The following ADAMTS7 variants were observed in gnomAD, a reference collection of about 807,000 sequenced individuals.
The protein encoded by ADAMTS7 is A disintegrin and metalloproteinase with thrombospondin motifs 7.
A neutral mutation model predicts 172.6 loss-of-function variants in ADAMTS7; 89 were observed. The observed-to-expected ratio is 0.52, with a 90% CI of 0.43 to 0.61. The LOEUF (loss-of-function observed/expected upper bound fraction) is 0.61, where lower values mean the gene tolerates loss of function less well. ADAMTS7 is among the 20% of genes least tolerant of loss of function. The pLI is 0.00. For missense variants in ADAMTS7, 1,973 were observed against 2,355.6 expected (o/e 0.84, Z 3.36); for synonymous variants, 885 against 978.4 (o/e 0.90, Z 1.78).
In ADAMTS7 at chr15:78,796,580, ACAGACTCACCATGTT is replaced by A; in HGVS notation, c.814_819+9del. ...TCCCCGCCACCCGCTCCTGGCCCACACAGACTCACCATGTTCATGATGGTCAGCACATAGCTCTCA... is the reference window on the plus strand; with the variant it reads ...TCCCCGCCACCCGCTCCTGGCCCACACATGATGGTCAGCACATAGCTCTCA... On this transcript the variant is annotated splice_donor_variant and splice_donor_5th_base_variant and coding_sequence_variant and intron_variant, in exon 4 of 24. Transcript: ENST00000388820. LOFTEE classifies it high-confidence loss of function. The A allele has an allele frequency of 6.3e-7, 1 of 1,592,172 alleles. No homozygotes were observed. The highest frequency in any genetic ancestry group is 2.3e-5 in the East Asian group (1 of 44,078).
chr15:78,764,013 A>T lies in ADAMTS7; in HGVS notation c.4506T>A (p.His1502Gln). The part of the protein sequence containing the change: ...TRDLRPLRPF[H>Q]CQPGPAKPPA... ...GCGGCTTGGCAGGCCCGGGCTGACA[A>T]TGGAAGGGCCGCAGTGGCCGGAGGT... Residue 1502 changes from histidine (H) to glutamine (Q), a missense_variant, in exon 21 of 24, where the codon CAT becomes CAA. His to Gln is a conservative substitution (Grantham distance 24). Coordinates refer to ENST00000388820, the MANE Select transcript of ADAMTS7 (RefSeq NM_014272.5). 5 of 1,543,448 alleles carry T rather than the reference A, an allele frequency of 3.2e-6. No individual in the cohort carries two copies. The highest frequency in any genetic ancestry group is 4.4e-6 in the Non-Finnish European group (5 of 1,143,428).
At chr15:78,787,902 C>T (rs2055526068) in intron 8 of ADAMTS7, among the ~76,000 whole-genome samples, 1 of 152,146 alleles carries the variant, frequency 6.6e-6, no homozygotes, top group African/African-American at 2.4e-5. Context: ...CGCTACAGGC[C>T]TTTCTCAGGC....
At chr15:78,769,144 C>T (rs886527423) in intron 16 of ADAMTS7, among the ~76,000 whole-genome samples, 3 of 152,186 alleles carry the variant, frequency 2.0e-5, no homozygotes, top group South Asian at 2.1e-4. Context: ...CCCTGCTCTC[C>T]ATCCCCACAC....
intron 2 of ADAMTS7, among the ~76,000 whole-genome samples, chr15:78,799,837 CT>C (rs563089296): frequency 7.6e-4 from 110 of 145,560 alleles, no homozygotes; most frequent in East Asian, 1.6e-3. Context: ...TTCTTTCTTT[CT>C]TTTTTTTTTT....
In ADAMTS7 at chr15:78,764,724, C is replaced by G. The variant is rs371299839; in HGVS notation, c.4267-17G>C. On this transcript the variant is annotated splice_polypyrimidine_tract_variant and intron_variant, in intron 19 of 23. Transcript: ENST00000388820. ...GGTAGAGCACTGCGGGGCAGAGACC[C>G]GTGAAAGCCAGGCAGATCCCATCCC... 1 of 1,481,844 alleles carries G rather than the reference C, an allele frequency of 6.7e-7. No individual in the cohort carries two copies. The highest frequency in any genetic ancestry group is 1.4e-5 in the African/African-American group (1 of 70,016). The allele number at this position is 1,481,844 out of a possible 1,614,324, so 91.8% of individuals were successfully genotyped here. A position where few individuals can be genotyped will look rare whatever the true frequency, so the allele number is the denominator to read the frequency against.
chr15:78,784,825 A>C (rs1375754237), intron 8 of ADAMTS7, among the ~76,000 whole-genome samples: 1 of 152,224 alleles, frequency 6.6e-6, no homozygotes, highest in Non-Finnish European at 1.5e-5. Flanking sequence ...AAGAAGAGTC[A>C]CTTCCAACCC....
chr15:78,784,491 G>C (rs1379164237), intron 8 of ADAMTS7, among the ~76,000 whole-genome samples: 1 of 152,066 alleles, frequency 6.6e-6, no homozygotes, highest in Admixed American at 6.6e-5. Context: ...TTAAAAATAA[G>C]AAAGTGAGAG....
chr15:78,774,158 C>A lies in ADAMTS7; in HGVS notation c.2010+9G>T, dbSNP rs1244963525. 1.3e-6 allele frequency: 2 copies of A among 1,590,926 alleles called. No individual in the cohort carries two copies. The highest frequency in any genetic ancestry group is 3.4e-5 in the Admixed American group (2 of 59,214). ...AGTGCTGGGAGAGCCTCTTCCTAACCAGGCACACCTTACAGATGCCGTTGA... is the reference window on the plus strand; with the variant it reads ...AGTGCTGGGAGAGCCTCTTCCTAACAAGGCACACCTTACAGATGCCGTTGA... On this transcript the variant is annotated intron_variant, in intron 13 of 23. Transcript: ENST00000388820.
chr15:78,764,424 G>A, intron 20 of ADAMTS7, 131 bp downstream of exon 20: 2 of 1,235,430 alleles, frequency 1.6e-6, no homozygotes, highest in South Asian at 3.2e-5. Flanking sequence ...TCAGAATCCG[G>A]TGTGATCGGG....
chr15:78,794,765 A>G lies in ADAMTS7; in HGVS notation c.819+1825T>C, dbSNP rs150046120. ...TGGAGTCTCGCTCTGTCACCCAGGCAGGAGTGCAGTGGCACGATCTCAGCT... is the reference window on the plus strand; with the variant it reads ...TGGAGTCTCGCTCTGTCACCCAGGCGGGAGTGCAGTGGCACGATCTCAGCT... On this transcript the variant is annotated intron_variant, in intron 4 of 23. Coordinates refer to ENST00000388820, the MANE Select transcript of ADAMTS7 (RefSeq NM_014272.5). Among the ~76,000 whole-genome samples the G allele has an allele frequency of 2.9e-3, 434 of 152,230 alleles. 4 individuals are homozygous for G. The highest frequency in any genetic ancestry group is 9.8e-3 in the African/African-American group (408 of 41,536).
At chr15:78,795,022 C>T (rs989269122) in intron 4 of ADAMTS7, among the ~76,000 whole-genome samples, 4 of 152,210 alleles carry the variant, frequency 2.6e-5, no homozygotes, top group African/African-American at 9.6e-5. Context: ...CAGTCGGGTG[C>T]GTCTTACTCT....
chr15:78,772,070 A>G (rs1240857249), intron 14 of ADAMTS7, among the ~76,000 whole-genome samples: 1 of 152,164 alleles, frequency 6.6e-6, no homozygotes, highest in Non-Finnish European at 1.5e-5. Flanking sequence ...TGGTCTCATC[A>G]TAAGGCTGGA....
In ADAMTS7 at chr15:78,789,751, G is replaced by A. The variant is rs570720532; in HGVS notation, c.1116C>T (p.Cys372=). The A allele has an allele frequency of 6.2e-7, 1 of 1,612,244 alleles. No homozygotes were observed. The highest frequency in any genetic ancestry group is 1.1e-5 in the South Asian group (1 of 90,758). ...GCAGGCCCGTGTCCTCGTTGATGCT[G>A]CAGCTGCGGTGCGGCTGGCACATGC... ...VAGMCQPHRS[C]SINEDTGLPL... Residue 372 remains cysteine (C), a synonymous_variant, in exon 7 of 24, where the codon TGC becomes TGT. Transcript: ENST00000388820.
chr15:78,784,299 A>G (rs1168612657), intron 8 of ADAMTS7, among the ~76,000 whole-genome samples: 3 of 151,614 alleles, frequency 2.0e-5, no homozygotes, highest in Non-Finnish European at 4.4e-5. Flanking sequence ...TGGGAGCCCA[A>G]GGCTGCAGTG....
chr15:78,800,009 T>C lies in ADAMTS7; in HGVS notation c.456+183A>G, dbSNP rs1239887038. Among the ~76,000 whole-genome samples the C allele has an allele frequency of 2.0e-5, 3 of 152,126 alleles. No individual in the cohort carries two copies. In the East Asian group the frequency reaches 5.8e-4, roughly 29 times the overall value. On this transcript the variant is annotated intron_variant, in intron 2 of 23. Transcript: ENST00000388820. ...GGCTTTCACATTAAACTTTGAGAAC[T>C]GTTATCCTAGAGATCAACGAGGCCT...
At position 78,766,728 on chromosome 15, in the gene ADAMTS7, G is replaced by A. The variant is rs1457480819; in HGVS notation, c.3183C>T (p.Asp1061=). ...TGAAATTGTAGTCGTAGTAGAAGTC[G>A]TCCACAAACACGGGCCCCGGCAGGT... is the stretch of plus-strand genomic sequence containing the variant. ...ELDLPGPVFV[D]DFYYDYNFIN... The change falls in exon 19 of 24, where the codon GAC becomes GAT. Residue 1061 remains aspartate (D), a synonymous_variant. Coordinates refer to ENST00000388820, the MANE Select transcript of ADAMTS7 (RefSeq NM_014272.5). 6.8e-6 allele frequency: 11 copies of A among 1,610,666 alleles called. No individual in the cohort carries two copies. In the Admixed American group the frequency reaches 1.0e-4, roughly 15 times the overall value.
Position 78,799,825 on chromosome 15 carries a change from TTTTC to T in ADAMTS7, c.456+363_456+366del, listed in dbSNP as rs1006484059. Among the ~76,000 whole-genome samples, 9 of 150,568 alleles carry T rather than the reference TTTTC, an allele frequency of 6.0e-5. No homozygotes were observed. The East Asian group carries it at 7.7e-4, about 13-fold the overall frequency. On this transcript the variant is annotated intron_variant, in intron 2 of 23. Transcript: ENST00000388820. ...AGCTCATATTAAACTCTCTTTTTCTTTTTCTTTCTTTCTTTTTTTTTTTTTGAGA... is the reference window on the plus strand; with the variant it reads ...AGCTCATATTAAACTCTCTTTTTCTTTTTCTTTCTTTTTTTTTTTTTGAGA...
At position 78,771,159 on chromosome 15, in the gene ADAMTS7, C is replaced by A. The variant is rs1213528474; in HGVS notation, c.2518+3G>T. ...GTGGGGCTGTGCCTGCCCCACTTCT[C>A]ACCTCTGCCGCAGGTGACTGTGCAC... On this transcript the variant is annotated splice_donor_region_variant and intron_variant, in intron 16 of 23. Coordinates refer to ENST00000388820, the MANE Select transcript of ADAMTS7 (RefSeq NM_014272.5). The surrounding 1 kb of genome is among the most constrained non-coding windows in gnomAD (Gnocchi z 4.9). 4 of 1,603,986 alleles carry A rather than the reference C, an allele frequency of 2.5e-6. No homozygotes were observed.
chr15:78,801,184 A>G (rs983024162), intron 1 of ADAMTS7, among the ~76,000 whole-genome samples: 7 of 152,278 alleles, frequency 4.6e-5, no homozygotes, highest in African/African-American at 1.4e-4. Context: ...TACTCTGCTC[A>G]TCGTCTTACT....
Sources: gnomAD v4.1 joint callset for allele counts (sites outside exome capture counted in the v4.1 genomes callset) on GRCh38, gnomAD v4.1.1 for gene constraint, Gnocchi (gnomAD v3.1) non-coding constraint, MANE v1.5 for transcripts, NCBI Gene and HGNC (gene_info 2026-07-23, HGNC 2026-07-21) for gene names.